The following CHSY1 variants were observed in gnomAD, a reference collection of about 807,000 sequenced individuals.
The protein encoded by CHSY1 is N-acetylgalactosaminyl-proteoglycan 3-beta-glucuronosyltransferase 1.
A neutral mutation model predicts 59.8 loss-of-function variants in CHSY1; 13 were observed. The ratio of observed to expected loss-of-function variants is 0.22; its 90% CI spans 0.14 to 0.35. The LOEUF (loss-of-function observed/expected upper bound fraction) is 0.35, where lower values mean the gene tolerates loss of function less well. CHSY1 is among the 10% of genes least tolerant of loss of function. The probability of loss-of-function intolerance (pLI) is 1.00; values close to 1 mark genes in which losing one functional copy is unlikely to be tolerated. For synonymous variants in CHSY1, 459 were observed against 401.2 expected (o/e 1.14, Z -1.72); for missense variants, 947 against 1,030.6 (o/e 0.92, Z 1.11).
At chr15:101,218,268 T>C (rs914754616) in intron 2 of CHSY1, among the ~76,000 whole-genome samples, 2 of 152,196 alleles carry the variant, frequency 1.3e-5, no homozygotes, top group East Asian at 1.9e-4. Context: ...TTAAATAAAG[T>C]ATAGATTTTT....
intron 2 of CHSY1, among the ~76,000 whole-genome samples, chr15:101,184,407 G>T (rs1218659366): frequency 1.3e-5 from 2 of 150,842 alleles, no homozygotes; most frequent in African/African-American, 4.9e-5. Flanking sequence ...TTGAGACAGG[G>T]TCTCCTTCTG....
At chr15:101,240,597 C>A (rs899166921) in intron 1 of CHSY1, among the ~76,000 whole-genome samples, 1 of 152,216 alleles carries the variant, frequency 6.6e-6, no homozygotes, top group Non-Finnish European at 1.5e-5. Context: ...GGTTTCTAAA[C>A]GCTATTCCTA....
At chr15:101,228,636 A>G (rs2038864238) in intron 2 of CHSY1, among the ~76,000 whole-genome samples, 1 of 152,204 alleles carries the variant, frequency 6.6e-6, no homozygotes, top group African/African-American at 2.4e-5. Context: ...GTGGAGGAGA[A>G]ATTAGGAAAA....
intron 2 of CHSY1, among the ~76,000 whole-genome samples, chr15:101,180,437 G>A (rs1252517876): frequency 6.6e-6 from 1 of 152,156 alleles, no homozygotes; most frequent in Non-Finnish European, 1.5e-5. Context: ...CCCACACTGT[G>A]GCACACTTTT....
In CHSY1 at chr15:101,234,967, T is replaced by C. The variant is rs971043382; in HGVS notation, c.816+115A>G. The C allele has an allele frequency of 1.1e-5, 15 of 1,360,068 alleles. No individual in the cohort carries two copies. In the African/African-American group the frequency reaches 1.3e-4, roughly 12 times the overall value. The allele number at this position is 1,360,068 out of a possible 1,614,324, so 84.3% of individuals were successfully genotyped here. Reference sequence around the variant, plus strand: ...ATCTAAGGCTAAAAATGTAGAATAATACCAACTTCAACCCTCAAAGAGGAT... The same window carrying C: ...ATCTAAGGCTAAAAATGTAGAATAACACCAACTTCAACCCTCAAAGAGGAT... On this transcript the variant is annotated intron_variant, in intron 2 of 2. Transcript: ENST00000254190.
intron 2 of CHSY1, among the ~76,000 whole-genome samples, chr15:101,231,007 G>A (rs1000549489): frequency 1.3e-5 from 2 of 152,158 alleles, no homozygotes; most frequent in Non-Finnish European, 2.9e-5. Flanking sequence ...TTTGGTGTGC[G>A]GGTGTAACAT....
At chr15:101,237,717 T>C (rs2038961205) in intron 1 of CHSY1, among the ~76,000 whole-genome samples, 1 of 152,232 alleles carries the variant, frequency 6.6e-6, no homozygotes, top group Non-Finnish European at 1.5e-5. Context: ...ATATCGCACT[T>C]TCCCTCCTAC....
intron 1 of CHSY1, among the ~76,000 whole-genome samples, chr15:101,237,617 G>A (rs371914588): frequency 2.0e-5 from 3 of 152,082 alleles, no homozygotes; most frequent in South Asian, 2.1e-4. Flanking sequence ...AAGAGACAAC[G>A]GTTGCCCATC....
chr15:101,218,106 G>A (rs1459602593), intron 2 of CHSY1, among the ~76,000 whole-genome samples: 8 of 152,070 alleles, frequency 5.3e-5, no homozygotes, highest in Admixed American at 2.6e-4. Context: ...TCCGAATAGA[G>A]GAAAATTTTA....
intron 1 of CHSY1, among the ~76,000 whole-genome samples, chr15:101,250,018 A>T (rs1288866239): frequency 6.6e-6 from 1 of 152,224 alleles, no homozygotes; most frequent in African/African-American, 2.4e-5. Flanking sequence ...AAGGCAAGGG[A>T]GACCATATAT....
chr15:101,191,722 C>A (rs1035853365), intron 2 of CHSY1, among the ~76,000 whole-genome samples: 1 of 152,002 alleles, frequency 6.6e-6, no homozygotes, highest in Admixed American at 6.6e-5. Flanking sequence ...TCGCTGTGAA[C>A]CTAAAGCTCC....
chr15:101,233,595 CAG>C (rs1426934609), intron 2 of CHSY1, among the ~76,000 whole-genome samples: 3 of 152,260 alleles, frequency 2.0e-5, no homozygotes, highest in African/African-American at 7.2e-5. Context: ...TCCGTGACGA[CAG>C]AGAGATCCCG....
In CHSY1 at chr15:101,251,123, G is replaced by T; in HGVS notation, c.320+14C>A. ...CCGGACGCAGGAGGCGGTGCCCGGG[G>T]AGCAGGGGCTCACCTGTAGGCGGCC... is the stretch of plus-strand genomic sequence containing the variant. On this transcript the variant is annotated intron_variant, in intron 1 of 2. Coordinates refer to ENST00000254190, the MANE Select transcript of CHSY1 (RefSeq NM_014918.5). The T allele has an allele frequency of 6.4e-7, 1 of 1,566,390 alleles. No individual in the cohort carries two copies. Among genetic ancestry groups the T allele is most frequent in the Middle Eastern group, 1.7e-4 (1 of 5,982 alleles).
chr15:101,193,093 T>C (rs1157237669), intron 2 of CHSY1, among the ~76,000 whole-genome samples: 1 of 152,364 alleles, frequency 6.6e-6, no homozygotes, highest in East Asian at 1.9e-4. Context: ...ATACTCTAGT[T>C]TGTGCGTTCA....
At position 101,251,809 on chromosome 15, in the gene CHSY1, G is replaced by A. The variant is rs2039118906; in HGVS notation, c.-353C>T. Reference sequence around the variant, plus strand: ...GACGACGGCGGCGGCAGACGAGTCCGGGCTCCCGTCCCGCCCTGCCCGCGT... The same window carrying A: ...GACGACGGCGGCGGCAGACGAGTCCAGGCTCCCGTCCCGCCCTGCCCGCGT... On this transcript the variant is annotated 5_prime_UTR_variant, in exon 1 of 3. Coordinates refer to ENST00000254190, the MANE Select transcript of CHSY1 (RefSeq NM_014918.5). 1.3e-5 allele frequency: 2 copies of A among 149,990 alleles called. No homozygotes were observed. Among genetic ancestry groups the A allele is most frequent in the African/African-American group, 2.4e-5 (1 of 41,118 alleles). 9.3% of individuals were successfully genotyped at this position (149,990 alleles called of 1,614,324 possible).
chr15:101,178,206 C>G lies in CHSY1; in HGVS notation c.1591G>C (p.Asp531His). 6.2e-7 allele frequency: 1 copy of G among 1,614,222 alleles called. No individual in the cohort carries two copies. The highest frequency in any genetic ancestry group is 8.5e-7 in the Non-Finnish European group (1 of 1,180,038). Residue 531 changes from aspartate (D) to histidine (H), a missense_variant, in exon 3 of 3, where the codon GAT (aspartate) becomes CAT (histidine). By Grantham distance (81) the Asp-to-His change is moderately conservative (BLOSUM62 -1). Around this residue, in one of 4 missense-constraint regions of CHSY1, gnomAD observed 602 missense variants for 676.9 expected, o/e 0.89. Transcript: ENST00000254190. ...GGAATCAGTATGTTTATCTTTTTAT[C>G]TTTGGGTTCTTTGTGCTCACTCTTC... ...GSKSEHKEPK[D>H]KKINILIPLS...
intron 1 of CHSY1, among the ~76,000 whole-genome samples, chr15:101,247,768 T>C (rs1596457495): frequency 6.6e-6 from 1 of 152,140 alleles, no homozygotes; most frequent in Non-Finnish European, 1.5e-5. Flanking sequence ...CATCCATCCC[T>C]CAAGCAGATG....
intron 2 of CHSY1, among the ~76,000 whole-genome samples, chr15:101,191,655 CTG>C (rs1349222735): frequency 6.6e-6 from 1 of 152,312 alleles, no homozygotes; most frequent in Non-Finnish European, 1.5e-5. Flanking sequence ...TTGGGGGAGA[CTG>C]TGCACGTGTA....
chr15:101,221,040 C>A (rs1171889003), intron 2 of CHSY1, among the ~76,000 whole-genome samples: 2 of 152,180 alleles, frequency 1.3e-5, no homozygotes, highest in Middle Eastern at 6.3e-3. Flanking sequence ...AGACTCAGTG[C>A]CACCTGCCAT....
Sources: gnomAD v4.1 joint callset for allele counts (sites outside exome capture counted in the v4.1 genomes callset) on GRCh38, gnomAD v4.1.1 for gene constraint, gnomAD v4.1.1 regional missense constraint, MANE v1.5 for transcripts, NCBI Gene and HGNC (gene_info 2026-07-23, HGNC 2026-07-21) for gene names.